CTR9: variants seen among roughly 807,000 people sequenced by gnomAD.
CTR9 encodes CTR9 component of Paf1/RNA polymerase II complex, also known as RNA polymerase-associated protein CTR9 homolog.
In CTR9, 41 loss-of-function variants were observed where a neutral mutation model predicts 152.1. The ratio of observed to expected loss-of-function variants is 0.27; its 90% CI spans 0.21 to 0.35. The LOEUF is 0.35. Ranked by LOEUF, CTR9 falls within the 10% of genes least tolerant of loss-of-function variation. The pLI is 1.00. For synonymous variants in CTR9, 476 were observed against 496.2 expected (o/e 0.96, Z 0.54); for missense variants, 917 against 1,424.4 (o/e 0.64, Z 5.73).
chr11:10,764,169 T>C lies in CTR9; in HGVS notation c.1252T>C (p.Leu418=). The C allele has an allele frequency of 6.2e-7, 1 of 1,614,198 alleles. No homozygotes were observed. The highest frequency in any genetic ancestry group is 8.5e-7 in the Non-Finnish European group (1 of 1,180,020). ...YPDDVEAWIE[L]AQILEQTDIQ... is the part of the protein sequence containing the mutation. ...CGATGATGTTGAAGCTTGGATTGAA[T>C]TGGCACAAATCTTAGAACAGACTGA... Residue 418 remains leucine (L), a synonymous_variant, in exon 10 of 25, where the codon TTG becomes CTG. Coordinates refer to ENST00000361367, the MANE Select transcript of CTR9 (RefSeq NM_014633.5).
intron 9 of CTR9, 39 bp downstream of exon 9, chr11:10,763,918 G>A: frequency 6.7e-7 from 1 of 1,501,712 alleles, no homozygotes; most frequent in Admixed American, 2.0e-5. Flanking sequence ...TTTTCTGTTA[G>A]CTGTCCCAAA....
rs1454835145 is a variant in CTR9, at chr11:10,767,114, C to T, written c.1686+624C>T. On this transcript the variant is annotated intron_variant, in intron 13 of 24. Coordinates refer to ENST00000361367, the MANE Select transcript of CTR9 (RefSeq NM_014633.5). The surrounding 1 kb of genome is among the most constrained non-coding windows in gnomAD (Gnocchi z 4.0). ...TTTACAACTTACTAATGGGTATCAACTCAGTTTGAAAACCACTCATGTGGG... is the reference window on the plus strand; with the variant it reads ...TTTACAACTTACTAATGGGTATCAATTCAGTTTGAAAACCACTCATGTGGG... The T allele has an allele frequency of 6.5e-6, 1 of 152,742 alleles. No homozygotes were observed. The highest frequency in any genetic ancestry group is 1.5e-5 in the Non-Finnish European group (1 of 68,154). 9.5% of individuals were successfully genotyped at this position (152,742 alleles called of 1,614,324 possible). A position where few individuals can be genotyped will look rare whatever the true frequency, so the allele number is the denominator to read the frequency against.
rs372461417 is a variant in CTR9, at chr11:10,772,699, G to A, written c.2580+44G>A. ...TTATACTGGAATTAATGAATTGTGTGCATGCATACACTTTGTATGTTTAAA... is the reference window on the plus strand; with the variant it reads ...TTATACTGGAATTAATGAATTGTGTACATGCATACACTTTGTATGTTTAAA... On this transcript the variant is annotated intron_variant, in intron 20 of 24. Coordinates refer to ENST00000361367, the MANE Select transcript of CTR9 (RefSeq NM_014633.5). 4 of 1,537,074 alleles carry A rather than the reference G, an allele frequency of 2.6e-6. No individual in the cohort carries two copies. The African/African-American group carries it at 4.2e-5, about 16-fold the overall frequency.
intron 16 of CTR9, among the ~76,000 whole-genome samples, chr11:10,769,366 G>A (rs924720972): frequency 6.6e-6 from 1 of 152,044 alleles, no homozygotes; most frequent in East Asian, 1.9e-4. Context: ...AAGGATCTTC[G>A]GCTCTGTGGG....
At chr11:10,760,035 A>C (rs1306154338) in intron 5 of CTR9, 138 bp from the exon 6 acceptor site, 1 of 887,302 alleles carries the variant, frequency 1.1e-6, no homozygotes, top group Non-Finnish European at 1.7e-6. Context: ...GTGATAGGTC[A>C]AAAGATTCTG....
rs115319179 is a variant in CTR9 at position 10,764,829 on chromosome 11, T to A, written c.1597+98T>A. On this transcript the variant is annotated intron_variant, in intron 12 of 24. Coordinates refer to ENST00000361367, the MANE Select transcript of CTR9 (RefSeq NM_014633.5). ...AAAAATTTAGAATTGATAGTAAAAA[T>A]TGTTTAAGGTTCTAATGTCCCCATT... The A allele has an allele frequency of 1.7e-3, 1,909 of 1,143,164 alleles. 32 individuals carry two copies. In the African/African-American group the frequency reaches 0.027, roughly 16 times the overall value. 70.8% of individuals were successfully genotyped at this position (1,143,164 alleles called of 1,614,324 possible).
intron 21 of CTR9, 29 bp downstream of exon 21, chr11:10,773,302 G>A (rs1350232883): frequency 1.3e-6 from 2 of 1,599,748 alleles, no homozygotes; most frequent in Admixed American, 3.6e-5. Context: ...TAGCACAAGT[G>A]ACCTCATTCT....
At position 10,768,381 on chromosome 11, in the gene CTR9, C is replaced by T. The variant is rs1346829925; in HGVS notation, c.1999C>T (p.Arg667Cys). 6.2e-7 allele frequency: 1 copy of T among 1,613,816 alleles called. No individual in the cohort carries two copies. Among genetic ancestry groups the T allele is most frequent in the East Asian group, 2.2e-5 (1 of 44,890 alleles). Residue 667 changes from arginine to cysteine, a missense_variant, in exon 16 of 25, where the codon CGT becomes TGT. Around this residue, in one of 9 missense-constraint regions of CTR9, gnomAD observed 87 missense variants for 235.7 expected, o/e 0.37. Transcript: ENST00000361367. ...LAHKGYFREA[R>C]DVFAQVREAT... ...CCACAAAGGATATTTTCGTGAAGCT[C>T]GTGATGTATTTGCCCAAGTAAGAGA...
At position 10,778,729 on chromosome 11, in the gene CTR9, G is replaced by T; in HGVS notation, c.3146G>T (p.Arg1049Leu). ...AGTGACTCAGACGAGGACGAACAAC[G>T]AAAGAAATGTGCCTCATCAGAGAGT... ...SNSDSDEDEQ[R>L]KKCASSESDS... Residue 1049 changes from arginine to leucine, a missense_variant, in exon 25 of 25, where the codon CGA becomes CTA. By Grantham distance (102) the Arg-to-Leu change is moderately radical. This residue lies in a region of CTR9 where 384 missense variants were observed against 398.4 expected (regional missense o/e 0.96). Coordinates refer to ENST00000361367, the MANE Select transcript of CTR9 (RefSeq NM_014633.5). 1 of 1,614,040 alleles carries T rather than the reference G, an allele frequency of 6.2e-7. No individual in the cohort carries two copies.
intron 6 of CTR9, among the ~76,000 whole-genome samples, chr11:10,761,301 G>A (rs187032528): frequency 1.3e-5 from 2 of 152,108 alleles, no homozygotes; most frequent in African/African-American, 4.8e-5. Flanking sequence ...CCTGGGGAAG[G>A]GGGGAAGGGA....
At chr11:10,753,813 T>A (rs1487190827) in intron 2 of CTR9, among the ~76,000 whole-genome samples, 1 of 152,052 alleles carries the variant, frequency 6.6e-6, no homozygotes, top group Non-Finnish European at 1.5e-5. Flanking sequence ...TTGTGGGATA[T>A]AGATTTTTAC....
At chr11:10,761,888 T>C (rs1862984267) in intron 6 of CTR9, 59 bp from the exon 7 acceptor site, 1 of 1,149,384 alleles carries the variant, frequency 8.7e-7, no homozygotes, top group Non-Finnish European at 1.3e-6. Flanking sequence ...AGAAAACTTC[T>C]TGAAAAGTGC....
At chr11:10,775,713 A>T in intron 24 of CTR9, 80 bp downstream of exon 24, 3 of 869,570 alleles carry the variant, frequency 3.4e-6, no homozygotes. Context: ...GTCTGTACTA[A>T]GAAAAATATA....
rs1863082174 is a variant in CTR9 at position 10,767,750 on chromosome 11, T to C, written c.1687-56T>C. ...GTAATCAGCTATTGTGGGAAGATGA[T>C]TGATCTCTGTCAAACTAAACTGCAG... is the stretch of plus-strand genomic sequence containing the variant. On this transcript the variant is annotated intron_variant, in intron 13 of 24. Transcript: ENST00000361367. The surrounding 1 kb of genome is among the most constrained non-coding windows in gnomAD (Gnocchi z 4.0). 11 of 1,464,530 alleles carry C rather than the reference T, an allele frequency of 7.5e-6. No individual in the cohort carries two copies. The allele number at this position is 1,464,530 out of a possible 1,614,324, so 90.7% of individuals were successfully genotyped here.
rs755436504 is a variant in CTR9, at chr11:10,755,813, A to C, written c.502+18A>C. On this transcript the variant is annotated intron_variant, in intron 4 of 24. Coordinates refer to ENST00000361367, the MANE Select transcript of CTR9 (RefSeq NM_014633.5). ...CCTTCTTGGTAAGTGGTCTTTGGCAACATGTTAGGAAACAGTTGTTTTCAG... is the reference window on the plus strand; with the variant it reads ...CCTTCTTGGTAAGTGGTCTTTGGCACCATGTTAGGAAACAGTTGTTTTCAG... 1 of 1,473,710 alleles carries C rather than the reference A, an allele frequency of 6.8e-7. No homozygotes were observed. 91.3% of individuals were successfully genotyped at this position (1,473,710 alleles called of 1,614,324 possible). A position where few individuals can be genotyped will look rare whatever the true frequency, so the allele number is the denominator to read the frequency against.
intron 5 of CTR9, 26 bp from the exon 6 acceptor site, chr11:10,760,147 A>G (rs765084099): frequency 4.4e-6 from 7 of 1,605,396 alleles, no homozygotes; most frequent in South Asian, 1.1e-5. Context: ...CCCTAGTTTG[A>G]TAGATTGAAT....
At position 10,770,528 on chromosome 11, in the gene CTR9, T is replaced by C. The variant is rs1250256783; in HGVS notation, c.2268T>C (p.Asn756=). 2 of 1,614,026 alleles carry C rather than the reference T, an allele frequency of 1.2e-6. No homozygotes were observed. The highest frequency in any genetic ancestry group is 1.1e-5 in the South Asian group (1 of 91,062). The part of the protein sequence containing the change: ...VAPSDTVLMF[N]VALVLQRLAT... ...CCAGTGATACAGTTCTTATGTTTAA[T>C]GTGGCCTTGGTCCTGCAAAGATTAG... Residue 756 remains asparagine, a synonymous_variant, in exon 18 of 25, where the codon AAT becomes AAC. Transcript: ENST00000361367.
rs1863277524 is a variant in CTR9 at position 10,778,546 on chromosome 11, T to C, written c.3096-133T>C. 5 of 762,932 alleles carry C rather than the reference T, an allele frequency of 6.6e-6. No individual in the cohort carries two copies. The South Asian group carries it at 7.6e-5, about 12-fold the overall frequency. The allele number at this position is 762,932 out of a possible 1,614,324, so 47.3% of individuals were successfully genotyped here. Reference sequence around the variant, plus strand: ...ACACAAAACAAGTATCACAGAATGATACCTGTGTAACCACTATTTAGGTCA... The same window carrying C: ...ACACAAAACAAGTATCACAGAATGACACCTGTGTAACCACTATTTAGGTCA... On this transcript the variant is annotated intron_variant, in intron 24 of 24. Coordinates refer to ENST00000361367, the MANE Select transcript of CTR9 (RefSeq NM_014633.5).
chr11:10,764,644 G>A lies in CTR9; in HGVS notation c.1510G>A (p.Ala504Thr), dbSNP rs745924899. The A allele has an allele frequency of 1.9e-6, 3 of 1,613,302 alleles. No homozygotes were observed. The highest frequency in any genetic ancestry group is 1.3e-5 in the African/African-American group (1 of 74,852). Residue 504 changes from alanine (A) to threonine (T), a missense_variant, in exon 12 of 25, where the codon GCC becomes ACC. This residue lies in a region of CTR9 where 133 missense variants were observed against 244.1 expected (regional missense o/e 0.54). Coordinates refer to ENST00000361367, the MANE Select transcript of CTR9 (RefSeq NM_014633.5). ...AISVTTSYNL[A>T]RLYEAMCEFH... ...TTCCGTTACCACGTCATATAATCTC[G>A]CCAGGCTATATGAGGCGATGTGTGA...
Sources: allele counts gnomAD v4.1 joint callset (sites outside exome capture counted in the v4.1 genomes callset), GRCh38; gene constraint gnomAD v4.1.1; regional missense constraint gnomAD v4.1.1; non-coding constraint Gnocchi (gnomAD v3.1); transcripts MANE v1.5; gene names NCBI Gene and HGNC (gene_info 2026-07-23, HGNC 2026-07-21).